The following ATG3 variants were observed in gnomAD, a reference collection of about 807,000 sequenced individuals.
ATG3 encodes autophagy related 3.
ATG3 carries 25 observed loss-of-function variants against 50.7 expected under a neutral mutation model. The observed-to-expected ratio is 0.49, with a 90% confidence interval of 0.36 to 0.69. The LOEUF (loss-of-function observed/expected upper bound fraction) is 0.69, where lower values mean the gene tolerates loss of function less well. Ranked by LOEUF, ATG3 falls within the 30% of genes least tolerant of loss-of-function variation. The pLI is 0.00. For missense variants in ATG3, 281 were observed against 376.0 expected (o/e 0.75, Z 2.09); for synonymous variants, 119 against 125.5 (o/e 0.95, Z 0.34).
chr3:112,537,967 C>T (rs1409759683), intron 8 of ATG3, 77 bp from the exon 9 acceptor site: 3 of 1,397,492 alleles, frequency 2.1e-6, no homozygotes, highest in Admixed American at 4.9e-5. Flanking sequence ...TTATTTTTTC[C>T]ATTCTATATT....
intron 9 of ATG3, chr3:112,536,812 TCAGGAGGCTGAGG>T (rs1483741318): frequency 5.7e-6 from 2 of 349,550 alleles, no homozygotes; most frequent in South Asian, 4.0e-5. Flanking sequence ...TCCCAGCTAC[TCAGGAGGCTGAGG>T]CAGGAGAATG....
chr3:112,558,463 T>A, intron 1 of ATG3, 46 bp from the exon 2 acceptor site: 1 of 1,421,228 alleles, frequency 7.0e-7, no homozygotes, highest in Non-Finnish European at 9.9e-7. Flanking sequence ...TGTTTCACTA[T>A]CAATTAAATA....
rs375194327 is a variant in ATG3, at chr3:112,532,682, A to T, written c.*17T>A. 1.3e-6 allele frequency: 2 copies of T among 1,533,640 alleles called. No individual in the cohort carries two copies. The highest frequency in any genetic ancestry group is 2.8e-5 in the African/African-American group (2 of 71,728). On this transcript the variant is annotated 3_prime_UTR_variant, in exon 12 of 12. Coordinates refer to ENST00000283290, the MANE Select transcript of ATG3 (RefSeq NM_022488.5). ...AAATCAGAACCAATAATTAGGATAG[A>T]TTTTATGCTCTCTTCATTACATTGT...
At position 112,561,924 on chromosome 3, in the gene ATG3, T is replaced by G. The variant is rs879478260; in HGVS notation, c.-396A>C. 35 of 223,610 alleles carry G rather than the reference T, an allele frequency of 1.6e-4. 1 individual carries two copies. In the South Asian group the frequency reaches 1.8e-3, roughly 11 times the overall value. The allele number at this position is 223,610 out of a possible 1,614,324, so 13.9% of individuals were successfully genotyped here. A position where few individuals can be genotyped will look rare whatever the true frequency, so the allele number is the denominator to read the frequency against. On this transcript the variant is annotated 5_prime_UTR_variant, in exon 1 of 12. Transcript: ENST00000283290. ...CGGCTTCCCTTCCTTCTCACTCTCT[T>G]GCCGTAGCTGCGCCGCCACCGGGGC...
chr3:112,536,007 C>T (rs1486063270), intron 10 of ATG3: 2 of 155,380 alleles, frequency 1.3e-5, no homozygotes, highest in African/African-American at 2.4e-5. Flanking sequence ...AAGCTCTCAA[C>T]TGAAGAACAT....
intron 11 of ATG3, 187 bp from the exon 12 acceptor site, chr3:112,532,967 C>A (rs2082566839): frequency 1.6e-6 from 2 of 1,241,568 alleles, no homozygotes; most frequent in African/African-American, 3.1e-5. Context: ...TTTAAGACTA[C>A]CTGACCACTC....
intron 11 of ATG3, 73 bp from the exon 12 acceptor site, chr3:112,532,853 AT>A: frequency 7.0e-7 from 1 of 1,422,290 alleles, no homozygotes; most frequent in Non-Finnish European, 9.2e-7. Flanking sequence ...GTAATTATCC[AT>A]TTTATTAAGC....
At chr3:112,544,413 T>C (rs1474217890) in intron 5 of ATG3, among the ~76,000 whole-genome samples, 1 of 152,086 alleles carries the variant, frequency 6.6e-6, no homozygotes. Context: ...CCCAATGCTT[T>C]GGGAAGCTGG....
At position 112,532,630 on chromosome 3, in the gene ATG3, G is replaced by GGTCA; in HGVS notation, c.*65_*68dup. The GGTCA allele has an allele frequency of 8.4e-7, 1 of 1,185,958 alleles. No individual in the cohort carries two copies. Among genetic ancestry groups the GGTCA allele is most frequent in the Non-Finnish European group, 1.2e-6 (1 of 866,666 alleles). 73.5% of individuals were successfully genotyped at this position (1,185,958 alleles called of 1,614,324 possible). A position where few individuals can be genotyped will look rare whatever the true frequency, so the allele number is the denominator to read the frequency against. ...GTATATATTGATGAATATGGTCAAT[G>GGTCA]GTCACATCTATGGGTTAATTCTTTA... On this transcript the variant is annotated 3_prime_UTR_variant, in exon 12 of 12. Coordinates refer to ENST00000283290, the MANE Select transcript of ATG3 (RefSeq NM_022488.5).
intron 1 of ATG3, among the ~76,000 whole-genome samples, chr3:112,559,368 T>C (rs1372301015): frequency 1.3e-5 from 2 of 152,192 alleles, no homozygotes; most frequent in Non-Finnish European, 2.9e-5. Flanking sequence ...ATTCAACAAA[T>C]GTTTACTATG....
chr3:112,534,610 T>C (rs13060790), intron 10 of ATG3: 12,465 of 190,844 alleles, frequency 0.065, 483 homozygotes, highest in Admixed American at 0.12. Flanking sequence ...GAGGGCATAA[T>C]CTTAAAAAGC....
At chr3:112,558,789 T>A (rs1576730704) in intron 1 of ATG3, among the ~76,000 whole-genome samples, 1 of 151,398 alleles carries the variant, frequency 6.6e-6, no homozygotes. Flanking sequence ...CAGGCTGGAG[T>A]GCAGTGGCGC....
chr3:112,558,298 TTTC>T (rs1933742068), intron 2 of ATG3, 75 bp downstream of exon 2: 1 of 1,059,550 alleles, frequency 9.4e-7, no homozygotes. Context: ...TTCAAGATGT[TTTC>T]TTATGAAGCA....
chr3:112,557,401 C>T (rs924436642), intron 2 of ATG3, among the ~76,000 whole-genome samples: 3 of 152,136 alleles, frequency 2.0e-5, no homozygotes, highest in South Asian at 2.1e-4. Context: ...AGGCGGATCA[C>T]GAGGTCAAGA....
intron 7 of ATG3, among the ~76,000 whole-genome samples, chr3:112,538,563 T>C (rs1164572635): frequency 6.6e-6 from 1 of 152,210 alleles, no homozygotes; most frequent in East Asian, 1.9e-4. Context: ...CCTTGGAACA[T>C]ACTTTCTTTC....
In ATG3 at chr3:112,549,670, G is replaced by A. The variant is rs574477628; in HGVS notation, c.235+522C>T. On this transcript the variant is annotated intron_variant, in intron 4 of 11. Coordinates refer to ENST00000283290, the MANE Select transcript of ATG3 (RefSeq NM_022488.5). ...CTAAAAATACAAAAATTAGCCGGGC[G>A]TGGTGGCAGGCCTGTAATCCCAACT... 7.6e-4 allele frequency among the ~76,000 whole-genome samples: 115 copies of A among 152,046 alleles called. 1 individual carries two copies. Among genetic ancestry groups the A allele is most frequent in the African/African-American group, 2.0e-3 (83 of 41,502 alleles).
rs2082564813 is a variant in ATG3, at chr3:112,532,721, T to C, written c.923A>G (p.Tyr308Cys). ...QAVIPTIEYD[Y>C]TRHFTM ...TCATTACATTGTGAAGTGTCTTGTG[T>C]AGTCATATTCTATTGTTGGAATGAC... Residue 308 changes from tyrosine to cysteine, a missense_variant, in exon 12 of 12, where the codon TAC (tyrosine) becomes TGC (cysteine). By Grantham distance (194) the Tyr-to-Cys change is radical. Around this residue, in one of 3 missense-constraint regions of ATG3, gnomAD observed 242 missense variants for 305.0 expected, o/e 0.79. Transcript: ENST00000283290. The C allele has an allele frequency of 1.3e-6, 2 of 1,598,462 alleles. No individual in the cohort carries two copies. The highest frequency in any genetic ancestry group is 1.7e-6 in the Non-Finnish European group (2 of 1,171,972).
chr3:112,541,735 C>T (rs1576717185), intron 7 of ATG3, 68 bp downstream of exon 7: 8 of 1,343,572 alleles, frequency 6.0e-6, no homozygotes, highest in Non-Finnish European at 8.4e-6. Context: ...AATTCTTAAT[C>T]CACATAAATT....
Position 112,548,752 on chromosome 3 carries a change from C to T in ATG3, c.236-112G>A, listed in dbSNP as rs892614234. ...ATAGGGTGTTTATACCACCAAAGTA[C>T]TAAGTGAATATTTCACTTTTAAAGG... On this transcript the variant is annotated intron_variant, in intron 4 of 11. Transcript: ENST00000283290. 4 of 803,080 alleles carry T rather than the reference C, an allele frequency of 5.0e-6. No homozygotes were observed. In the South Asian group the frequency reaches 6.4e-5, roughly 13 times the overall value. 49.7% of individuals were successfully genotyped at this position (803,080 alleles called of 1,614,324 possible). A position where few individuals can be genotyped will look rare whatever the true frequency, so the allele number is the denominator to read the frequency against.
Sources: gnomAD v4.1 joint callset for allele counts (sites outside exome capture counted in the v4.1 genomes callset) on GRCh38, gnomAD v4.1.1 for gene constraint, gnomAD v4.1.1 regional missense constraint, MANE v1.5 for transcripts, NCBI Gene and HGNC (gene_info 2026-07-23, HGNC 2026-07-21) for gene names.